B4GALT6: variants seen among roughly 807,000 people sequenced by gnomAD.
B4GALT6 encodes UDP-Gal:beta-GlcNAc beta-1,4-galactosyltransferase 6.
Under a neutral mutation model 46.3 loss-of-function variants are expected in B4GALT6, and 14 were observed. The ratio of observed to expected loss-of-function variants is 0.30; its 90% CI spans 0.20 to 0.47. The LOEUF (loss-of-function observed/expected upper bound fraction) is 0.47. Ranked by LOEUF, B4GALT6 falls within the 20% of genes least tolerant of loss-of-function variation. The pLI is 0.99. For synonymous variants in B4GALT6, 168 were observed against 162.0 expected (o/e 1.04, Z -0.28); for missense variants, 386 against 480.1 (o/e 0.80, Z 1.83).
At chr18:31,701,244 T>A in the B4GALT6 span, among the ~76,000 whole-genome samples, 1 of 152,136 alleles carries the variant, frequency 6.6e-6, no homozygotes, top group African/African-American at 2.4e-5. Flanking sequence ...GTGAGTAAAT[T>A]ATCACAAGAT....
Position 31,625,554 on chromosome 18 carries a change from A to G in B4GALT6, c.*60T>C. 1 of 1,591,274 alleles carries G rather than the reference A, an allele frequency of 6.3e-7. No homozygotes were observed. Among genetic ancestry groups the G allele is most frequent in the Non-Finnish European group, 8.6e-7 (1 of 1,164,978 alleles). Reference sequence around the variant, plus strand: ...CAGCCAATCACTGACCTCCACTAAGAGCGCGCTCCAAGTTTATGATCCAGC... The same window carrying G: ...CAGCCAATCACTGACCTCCACTAAGGGCGCGCTCCAAGTTTATGATCCAGC... On this transcript the variant is annotated 3_prime_UTR_variant, in exon 9 of 9. Coordinates refer to ENST00000306851, the MANE Select transcript of B4GALT6 (RefSeq NM_004775.5).
intron 1 of B4GALT6, among the ~76,000 whole-genome samples, chr18:31,681,775 A>G (rs1011459344): frequency 4.6e-5 from 7 of 151,876 alleles, no homozygotes; most frequent in Admixed American, 3.3e-4. Context: ...AAAGTTTACC[A>G]AACAGGTTGA....
the B4GALT6 span, among the ~76,000 whole-genome samples, chr18:31,716,898 G>C: frequency 6.6e-6 from 1 of 152,166 alleles, no homozygotes; most frequent in South Asian, 2.1e-4. Flanking sequence ...TCAGGAGTTA[G>C]AGACCAGCCC....
intron 5 of B4GALT6, among the ~76,000 whole-genome samples, chr18:31,635,785 TCCAGC>T (rs1410173368): frequency 6.6e-6 from 1 of 152,158 alleles, no homozygotes; most frequent in Non-Finnish European, 1.5e-5. Flanking sequence ...GCTATCGCAC[TCCAGC>T]CTGGGCGACA....
At chr18:31,709,179 C>T in the B4GALT6 span, among the ~76,000 whole-genome samples, 10 of 151,796 alleles carry the variant, frequency 6.6e-5, no homozygotes, top group East Asian at 5.8e-4. Context: ...TGTTTCATTT[C>T]GTAACCAACC....
chr18:31,685,896 C>T (rs770405195), upstream of B4GALT6: 1 of 152,212 alleles, frequency 6.6e-6, no homozygotes, highest in Non-Finnish European at 1.5e-5. Flanking sequence ...ATGTGCGTCC[C>T]TTATACCAGG....
In B4GALT6 at chr18:31,638,755, T is replaced by G. The variant is rs199629405; in HGVS notation, c.477A>C (p.Ala159=). The part of the protein sequence containing the change: ...PKDCKPRWKV[A]VLIPFRNRHE... ...GGCGATTACGGAAAGGAATGAGAAC[T>G]GCCACCTTTAAAACAAAATAGTCAT... Residue 159 remains alanine, a synonymous_variant, in exon 5 of 9, where the codon GCA becomes GCC. Coordinates refer to ENST00000306851, the MANE Select transcript of B4GALT6 (RefSeq NM_004775.5). 1.2e-6 allele frequency: 2 copies of G among 1,610,360 alleles called. No homozygotes were observed. Among genetic ancestry groups the G allele is most frequent in the Non-Finnish European group, 1.7e-6 (2 of 1,176,754 alleles).
the B4GALT6 span, chr18:31,724,555 C>G: frequency 9.7e-7 from 1 of 1,033,162 alleles, no homozygotes; most frequent in South Asian, 3.7e-5. Context: ...GAGACTTTGG[C>G]TCAGAGTTTG....
At chr18:31,658,377 T>C in intron 2 of B4GALT6, 1 of 249,760 alleles carries the variant, frequency 4.0e-6, no homozygotes, top group Admixed American at 5.0e-5. Context: ...GTCCCTCCCC[T>C]GGCTGAGCCC....
intron 3 of B4GALT6, among the ~76,000 whole-genome samples, chr18:31,646,962 T>C (rs982848195): frequency 6.6e-5 from 10 of 152,178 alleles, no homozygotes; most frequent in African/African-American, 2.2e-4. Flanking sequence ...ATACACAAAC[T>C]AGCTAATCTT....
At chr18:31,653,865 G>A (rs533148106) in intron 3 of B4GALT6, among the ~76,000 whole-genome samples, 4 of 152,138 alleles carry the variant, frequency 2.6e-5, no homozygotes, top group South Asian at 4.2e-4. Flanking sequence ...CACAGGGACC[G>A]CTGCACAGCG....
At chr18:31,707,893 A>G in the B4GALT6 span, among the ~76,000 whole-genome samples, 1 of 152,236 alleles carries the variant, frequency 6.6e-6, no homozygotes, top group Non-Finnish European at 1.5e-5. Context: ...TATGTGATAT[A>G]TATTACAAAA....
chr18:31,701,612 A>G, the B4GALT6 span, among the ~76,000 whole-genome samples: 1 of 152,334 alleles, frequency 6.6e-6, no homozygotes, highest in Admixed American at 6.5e-5. Flanking sequence ...TATACCAAAA[A>G]TGTCCACAGT....
chr18:31,675,143 T>C (rs1325833136), intron 1 of B4GALT6, among the ~76,000 whole-genome samples: 1 of 152,240 alleles, frequency 6.6e-6, no homozygotes. Flanking sequence ...AGAAATTCTT[T>C]GTAAAAGGTG....
chr18:31,706,233 A>T, the B4GALT6 span, among the ~76,000 whole-genome samples: 1 of 152,174 alleles, frequency 6.6e-6, no homozygotes, highest in African/African-American at 2.4e-5. Flanking sequence ...AGATATATTC[A>T]TAATACATAC....
chr18:31,684,840 A>T (rs2074526881), upstream of B4GALT6: 2 of 901,454 alleles, frequency 2.2e-6, no homozygotes, highest in African/African-American at 3.6e-5. Flanking sequence ...AGCTAACTGC[A>T]GCACGCCCGG....
chr18:31,632,847 G>A (rs1285157080), intron 5 of B4GALT6, among the ~76,000 whole-genome samples: 3 of 151,988 alleles, frequency 2.0e-5, no homozygotes, highest in Non-Finnish European at 4.4e-5. Flanking sequence ...ATTAATAATT[G>A]ATGTAATCAT....
upstream of B4GALT6, chr18:31,684,656 A>G: frequency 9.8e-7 from 1 of 1,024,032 alleles, no homozygotes; most frequent in Non-Finnish European, 1.2e-6. Flanking sequence ...GCCGAGGGAC[A>G]AGAGGTGGAG....
At chr18:31,713,584 A>G in the B4GALT6 span, among the ~76,000 whole-genome samples, 2 of 152,176 alleles carry the variant, frequency 1.3e-5, no homozygotes, top group Non-Finnish European at 2.9e-5. Flanking sequence ...AGACAGTTTG[A>G]AGCCTCTGCC....
Sources: gnomAD v4.1 joint callset for allele counts (sites outside exome capture counted in the v4.1 genomes callset) on GRCh38, gnomAD v4.1.1 for gene constraint, MANE v1.5 for transcripts, NCBI Gene and HGNC (gene_info 2026-07-23, HGNC 2026-07-21) for gene names.